Variants in ANXA8 observed in about 807,000 individuals in gnomAD.
ANXA8 encodes the protein annexin A8, also known as VAC-beta.
In ANXA8, 9 loss-of-function variants were observed where a neutral mutation model predicts 26.8. The ratio of observed to expected loss-of-function variants is 0.34; its 90% CI spans 0.20 to 0.59. ANXA8 has a LOEUF of 0.59. ANXA8 is among the 20% of genes least tolerant of loss of function. ANXA8 has a pLI of 0.84. For missense variants in ANXA8, 83 were observed against 238.5 expected (o/e 0.35, Z 4.29); for synonymous variants, 39 against 94.8 (o/e 0.41, Z 3.42).
the ANXA8 span, among the ~76,000 whole-genome samples, chr10:47,709,900 T>C: frequency 1.3e-5 from 1 of 76,160 alleles, no homozygotes; most frequent in African/African-American, 6.2e-5. Flanking sequence ...TACAGGGTGG[T>C]GGAGTCAAAA....
chr10:47,939,555 C>A, the ANXA8 span, among the ~76,000 whole-genome samples: 1 of 144,730 alleles, frequency 6.9e-6, no homozygotes, highest in Admixed American at 6.8e-5. Context: ...CGTTCCCAGA[C>A]TCACACCTTC....
chr10:47,487,258 C>T (rs1450404029), upstream of ANXA8: 448 of 1,265,628 alleles, frequency 3.5e-4, 2 homozygotes, highest in East Asian at 3.2e-4. Flanking sequence ...GGGGAAGGGC[C>T]GTGGTAGCAG....
the ANXA8 span, among the ~76,000 whole-genome samples, chr10:47,949,679 G>A: frequency 6.7e-6 from 1 of 150,224 alleles, no homozygotes; most frequent in Non-Finnish European, 1.5e-5. Context: ...TACATAAAGT[G>A]TTATAATAGT....
intron 1 of ANXA8, 62 bp downstream of exon 1, chr10:47,483,851 T>C: frequency 6.2e-7 from 1 of 1,611,454 alleles, no homozygotes. Context: ...TTCTCAGGAC[T>C]CCCTGGTGAC....
the ANXA8 span, among the ~76,000 whole-genome samples, chr10:47,724,275 C>T: frequency 1.5e-5 from 2 of 136,102 alleles, 1 homozygote; most frequent in Non-Finnish European, 3.2e-5. Flanking sequence ...TTGCGCAAAC[C>T]AGCACACCAG....
At chr10:47,735,643 A>T in the ANXA8 span, among the ~76,000 whole-genome samples, 1 of 148,928 alleles carries the variant, frequency 6.7e-6, no homozygotes. Context: ...ATGTATCTAC[A>T]TCTTATTTTA....
chr10:47,585,263 C>CAAA, the ANXA8 span, among the ~76,000 whole-genome samples: 16 of 43,592 alleles, frequency 3.7e-4, 1 homozygote, highest in African/African-American at 6.3e-4. Context: ...GACTCCATCT[C>CAAA]AAAAAAAAAA....
chr10:47,744,024 T>G, the ANXA8 span, among the ~76,000 whole-genome samples: 2 of 140,280 alleles, frequency 1.4e-5, no homozygotes, highest in African/African-American at 2.6e-5. Flanking sequence ...GGGAGAGACG[T>G]GCGGGGGGTA....
chr10:47,572,669 G>A, the ANXA8 span, among the ~76,000 whole-genome samples: 11 of 141,828 alleles, frequency 7.8e-5, no homozygotes, highest in African/African-American at 2.4e-4. Context: ...GTGAGCTGAC[G>A]TCATGCCGTT....
chr10:47,701,229 G>A, the ANXA8 span, among the ~76,000 whole-genome samples: 318 of 149,956 alleles, frequency 2.1e-3, 18 homozygotes, highest in East Asian at 0.05. Context: ...TTCTGTTGGC[G>A]CAACTGTGAG....
the ANXA8 span, chr10:47,922,221 G>A: frequency 3.5e-6 from 2 of 573,594 alleles, 1 homozygote; most frequent in South Asian, 6.6e-5. Context: ...TGACCAACCT[G>A]CTTATCGCCA....
At chr10:47,499,342 GCAC>G in the ANXA8 span, among the ~76,000 whole-genome samples, 9 of 134,046 alleles carry the variant, frequency 6.7e-5, no homozygotes, top group East Asian at 2.2e-3. Flanking sequence ...TGTAATGTCA[GCAC>G]TGCTTTCTGT....
the ANXA8 span, among the ~76,000 whole-genome samples, chr10:47,579,170 G>T: frequency 7.5e-6 from 1 of 133,132 alleles, no homozygotes; most frequent in African/African-American, 2.9e-5. Context: ...GACAGGGTCT[G>T]GCTCTGTTGC....
At chr10:47,631,905 A>T in the ANXA8 span, among the ~76,000 whole-genome samples, 1 of 151,738 alleles carries the variant, frequency 6.6e-6, no homozygotes. Flanking sequence ...CTCTAAAAGA[A>T]TTTTAGAAAT....
chr10:47,485,067 T>G (rs1203221802), upstream of ANXA8, among the ~76,000 whole-genome samples: 1 of 151,008 alleles, frequency 6.6e-6, no homozygotes, highest in Non-Finnish European at 1.5e-5. Flanking sequence ...CCATTCCCTT[T>G]TGGTGCCCAT....
At chr10:47,670,016 A>G in the ANXA8 span, among the ~76,000 whole-genome samples, 1 of 151,314 alleles carries the variant, frequency 6.6e-6, no homozygotes, top group Non-Finnish European at 1.5e-5. Context: ...GTCACTCCCC[A>G]TTCCCTCCCT....
At chr10:47,640,443 G>A in the ANXA8 span, among the ~76,000 whole-genome samples, 19 of 90,142 alleles carry the variant, frequency 2.1e-4, no homozygotes, top group East Asian at 3.8e-3. Context: ...TTTGCTGACA[G>A]TCAGGTTACT....
At chr10:47,736,838 A>G in the ANXA8 span, among the ~76,000 whole-genome samples, 1 of 147,858 alleles carries the variant, frequency 6.8e-6, no homozygotes, top group Admixed American at 6.8e-5. Context: ...TATTTTTAGT[A>G]GAGACAGGAT....
chr10:47,676,317 T>C, the ANXA8 span, among the ~76,000 whole-genome samples: 1 of 151,796 alleles, frequency 6.6e-6, no homozygotes, highest in Non-Finnish European at 1.5e-5. Context: ...AATTCACAAA[T>C]GGAAGGAGTT....
Sources: gnomAD v4.1 joint callset for allele counts (sites outside exome capture counted in the v4.1 genomes callset) on GRCh38, gnomAD v4.1.1 for gene constraint, MANE v1.5 for transcripts, NCBI Gene and HGNC (gene_info 2026-07-23, HGNC 2026-07-21) for gene names.